OR56B1: variants seen among roughly 807,000 people sequenced by gnomAD.
OR56B1 encodes the protein olfactory receptor family 56 subfamily B member 1, also known as olfactory receptor 56B1.
Under a neutral mutation model 11.4 loss-of-function variants are expected in OR56B1, and 13 were observed. The observed-to-expected ratio is 1.14, with a 90% CI of 0.74 to 1.81. The LOEUF (loss-of-function observed/expected upper bound fraction) is 1.81. Among genes scored for constraint, OR56B1 ranks in the 40% most tolerant of loss-of-function variants. The pLI is 0.00. For missense variants in OR56B1, 434 were observed against 379.3 expected, an observed-to-expected ratio of 1.14 and a Z score of -1.20; for synonymous variants, 158 against 143.6, an observed-to-expected ratio of 1.10 and a Z score of -0.72.
In OR56B1 at chr11:5,737,521, A is replaced by G; in HGVS notation, c.*30A>G. On this transcript the variant is annotated 3_prime_UTR_variant, in exon 1 of 1. Transcript: ENST00000317121. ...CTTCTCCATGATGTACATGAACCTC[A>G]GCTTCTCCTAAACTGGATAGTAAAA... 6.4e-7 allele frequency: 1 copy of G among 1,572,968 alleles called. No individual in the cohort carries two copies. The highest frequency in any genetic ancestry group is 8.6e-7 in the Non-Finnish European group (1 of 1,160,004).
Position 5,737,446 on chromosome 11 carries a change from C to T in OR56B1, c.930C>T (p.Ala310=). Residue 310 remains alanine, a synonymous_variant, in exon 1 of 1, where the codon GCC becomes GCT. Transcript: ENST00000317121. ...YALQTKELRA[A]FQKVLFALTK... The stretch of plus-strand genomic sequence containing the variant: ...TTCAGACCAAAGAACTTAGGGCAGC[C>T]TTCCAAAAGGTGCTGTTTGCCCTTA... 2 of 1,613,854 alleles carry T rather than the reference C, an allele frequency of 1.2e-6. No individual in the cohort carries two copies. The highest frequency in any genetic ancestry group is 1.7e-6 in the Non-Finnish European group (2 of 1,179,802).
chr11:5,736,684 C>G lies in OR56B1; in HGVS notation c.168C>G (p.Ile56Met). The change falls in exon 1 of 1, where the codon ATC (isoleucine) becomes ATG (methionine). Residue 56 changes from isoleucine to methionine, a missense_variant. Physicochemically the swap from Ile to Met is conservative, Grantham distance 10. Transcript: ENST00000317121. ...SALAANTLIL[I>M]IIWQNPSLQQ... is the part of the protein sequence containing the mutation. ...TTGCTGCAAACACCCTCATCCTCAT[C>G]ATCATCTGGCAGAACCCTTCTTTAC... The G allele has an allele frequency of 6.2e-7, 1 of 1,614,026 alleles. No individual in the cohort carries two copies. Among genetic ancestry groups the G allele is most frequent in the African/African-American group, 1.3e-5 (1 of 75,038 alleles).
rs1028896075 is a variant in OR56B1, at chr11:5,737,405, C to T, written c.889C>T (p.Pro297Ser). 4 of 1,614,062 alleles carry T rather than the reference C, an allele frequency of 2.5e-6. No homozygotes were observed. Among genetic ancestry groups the T allele is most frequent in the Non-Finnish European group, 3.4e-6 (4 of 1,179,940 alleles). Residue 297 changes from proline to serine, a missense_variant, in exon 1 of 1, where the codon CCT (proline) becomes TCT (serine). Transcript: ENST00000317121. ...LHNIIPPSLNPTVYALQTKEL... is the reference protein window; with the variant it reads ...LHNIIPPSLNSTVYALQTKEL... Reference sequence around the variant, plus strand: ...CAACATCATCCCCCCTTCCCTCAACCCTACAGTTTATGCACTTCAGACCAA... The same window carrying T: ...CAACATCATCCCCCCTTCCCTCAACTCTACAGTTTATGCACTTCAGACCAA...
chr11:5,737,044 T>C lies in OR56B1; in HGVS notation c.528T>C (p.Asp176=), dbSNP rs747871719. The C allele has an allele frequency of 1.9e-6, 3 of 1,614,104 alleles. No individual in the cohort carries two copies. In the South Asian group the frequency reaches 3.3e-5, roughly 18 times the overall value. ...TGCCTGTGCTTGCAGCACAGCGTGA[T>C]TATTGCTCCAAGAATGAAATTGAAC... ...TPVPVLAAQR[D]YCSKNEIEHC... The change falls in exon 1 of 1, where the codon GAT becomes GAC. Residue 176 remains aspartate (D), a synonymous_variant. Coordinates refer to ENST00000317121, the MANE Select transcript of OR56B1 (RefSeq NM_001005180.3).
In OR56B1 at chr11:5,737,563, T is replaced by G. The variant is rs978468218; in HGVS notation, c.*72T>G. ...ATAGTAAAATTTCAAAGAGGATAAATGAGTAAGTGAATACCTTTGGGATTC... is the reference window on the plus strand; with the variant it reads ...ATAGTAAAATTTCAAAGAGGATAAAGGAGTAAGTGAATACCTTTGGGATTC... On this transcript the variant is annotated 3_prime_UTR_variant, in exon 1 of 1. Transcript: ENST00000317121. 2.9e-6 allele frequency: 4 copies of G among 1,372,844 alleles called. No homozygotes were observed. In the African/African-American group the frequency reaches 5.8e-5, roughly 20 times the overall value. The allele number at this position is 1,372,844 out of a possible 1,614,324, so 85.0% of individuals were successfully genotyped here.
Position 5,737,035 on chromosome 11 carries a change from A to G in OR56B1, c.519A>G (p.Ala173=). Residue 173 remains alanine (A), a synonymous_variant, in exon 1 of 1, where the codon GCA becomes GCG. Transcript: ENST00000317121. ...TCACTCCAGTGCCTGTGCTTGCAGC[A>G]CAGCGTGATTATTGCTCCAAGAATG... is the stretch of plus-strand genomic sequence containing the variant. The part of the protein sequence containing the change: ...LFVTPVPVLA[A]QRDYCSKNEI... 1 of 1,614,156 alleles carries G rather than the reference A, an allele frequency of 6.2e-7. No individual in the cohort carries two copies. Among genetic ancestry groups the G allele is most frequent in the Non-Finnish European group, 8.5e-7 (1 of 1,180,020 alleles).
At position 5,737,418 on chromosome 11, in the gene OR56B1, C is replaced by G; in HGVS notation, c.902C>G (p.Ala301Gly). Residue 301 changes from alanine (A) to glycine (G), a missense_variant, in exon 1 of 1, where the codon GCA becomes GGA. Coordinates refer to ENST00000317121, the MANE Select transcript of OR56B1 (RefSeq NM_001005180.3). ...IPPSLNPTVYALQTKELRAAF... is the reference protein window; with the variant it reads ...IPPSLNPTVYGLQTKELRAAF... Reference sequence around the variant, plus strand: ...CCTTCCCTCAACCCTACAGTTTATGCACTTCAGACCAAAGAACTTAGGGCA... The same window carrying G: ...CCTTCCCTCAACCCTACAGTTTATGGACTTCAGACCAAAGAACTTAGGGCA... 6.2e-7 allele frequency: 1 copy of G among 1,614,000 alleles called. No homozygotes were observed. The highest frequency in any genetic ancestry group is 1.3e-5 in the African/African-American group (1 of 75,032).
At position 5,737,243 on chromosome 11, in the gene OR56B1, G is replaced by T; in HGVS notation, c.727G>T (p.Ala243Ser). ...SVLRLNSAEA[A>S]AKALSTCSSH... ...ACTTAGACTGAACTCAGCTGAAGCT[G>T]CAGCCAAGGCCCTGAGCACTTGTAG... The change falls in exon 1 of 1, where the codon GCA becomes TCA. Residue 243 changes from alanine to serine, a missense_variant. Transcript: ENST00000317121. The T allele has an allele frequency of 6.2e-7, 1 of 1,614,068 alleles. No homozygotes were observed. Among genetic ancestry groups the T allele is most frequent in the Non-Finnish European group, 8.5e-7 (1 of 1,179,954 alleles).
Position 5,736,757 on chromosome 11 carries a change from G to GATTACCAGACCCA in OR56B1, c.241_242insATTACCAGACCCA (p.Gly81AspfsTer13), listed in dbSNP as rs1372586006. The stretch of plus-strand genomic sequence containing the variant: ...TGGCATCCTCTGTATGGTAGACATG[G>GATTACCAGACCCA]GTCTGGCCACTACTATCATCCCTAA... On this transcript the variant is annotated frameshift_variant, in exon 1 of 1. Transcript: ENST00000317121. LOFTEE classifies it high-confidence loss of function. 5.0e-6 allele frequency: 8 copies of GATTACCAGACCCA among 1,613,862 alleles called. No homozygotes were observed. The South Asian group carries it at 6.6e-5, about 13-fold the overall frequency.
At position 5,736,452 on chromosome 11, in the gene OR56B1, G is replaced by T. The variant is rs1853907106; in HGVS notation, c.-65G>T. ...AGAAAAATACTACAATTTTATTTCTGTGGTGGTTCCAACCTGTGATAACTG... is the reference window on the plus strand; with the variant it reads ...AGAAAAATACTACAATTTTATTTCTTTGGTGGTTCCAACCTGTGATAACTG... On this transcript the variant is annotated 5_prime_UTR_variant, in exon 1 of 1. Coordinates refer to ENST00000317121, the MANE Select transcript of OR56B1 (RefSeq NM_001005180.3). The T allele has an allele frequency of 2.2e-6, 3 of 1,373,074 alleles. No homozygotes were observed. Among genetic ancestry groups the T allele is most frequent in the African/African-American group, 2.9e-5 (2 of 69,848 alleles). The allele number at this position is 1,373,074 out of a possible 1,614,324, so 85.1% of individuals were successfully genotyped here.
rs1853942883 is a variant in OR56B1 at position 5,737,490 on chromosome 11, A to C, written c.974A>C (p.Ter325SerextTer5). 1 of 1,605,620 alleles carries C rather than the reference A, an allele frequency of 6.2e-7. No homozygotes were observed. Among genetic ancestry groups the C allele is most frequent in the African/African-American group, 1.3e-5 (1 of 74,590 alleles). Residue 325 changes from the stop codon to serine, a stop_lost, in exon 1 of 1, where the codon TAG (stop) becomes TCG (serine). Transcript: ENST00000317121. ...GCCCTTACAAAAGAAATAAGATCTTAGAGACCTTCTCCATGATGTACATGA... is the reference window on the plus strand; with the variant it reads ...GCCCTTACAAAAGAAATAAGATCTTCGAGACCTTCTCCATGATGTACATGA... The part of the protein sequence containing the change: ...LFALTKEIRS[*>S]
Position 5,737,025 on chromosome 11 carries a change from T to A in OR56B1, c.509T>A (p.Val170Glu), listed in dbSNP as rs756548716. ...RNGLFVTPVPVLAAQRDYCSK... is the reference protein window; with the variant it reads ...RNGLFVTPVPELAAQRDYCSK... ...GGCTTATTTGTCACTCCAGTGCCTG[T>A]GCTTGCAGCACAGCGTGATTATTGC... is the stretch of plus-strand genomic sequence containing the variant. The change falls in exon 1 of 1, where the codon GTG becomes GAG. Residue 170 changes from valine (V) to glutamate (E), a missense_variant. Physicochemically the swap from Val to Glu is moderately radical, Grantham distance 121. Coordinates refer to ENST00000317121, the MANE Select transcript of OR56B1 (RefSeq NM_001005180.3). 6.2e-7 allele frequency: 1 copy of A among 1,614,172 alleles called. No individual in the cohort carries two copies. The highest frequency in any genetic ancestry group is 2.2e-5 in the East Asian group (1 of 44,864).
chr11:5,737,605 T>A lies in OR56B1; in HGVS notation c.*114T>A, dbSNP rs550993032. On this transcript the variant is annotated 3_prime_UTR_variant, in exon 1 of 1. Transcript: ENST00000317121. The stretch of plus-strand genomic sequence containing the variant: ...TTGGGATTCCCTTTTTATATTTGTA[T>A]GTAAATAATTGTGAAAGCTTCAGAA... The A allele has an allele frequency of 1.1e-6, 1 of 910,140 alleles. No homozygotes were observed. Among genetic ancestry groups the A allele is most frequent in the East Asian group, 2.5e-5 (1 of 40,012 alleles). The allele number at this position is 910,140 out of a possible 1,614,324, so 56.4% of individuals were successfully genotyped here.
Position 5,737,225 on chromosome 11 carries a change from C to T in OR56B1, c.709C>T (p.Leu237=), listed in dbSNP as rs1204592289. 3.7e-6 allele frequency: 6 copies of T among 1,614,108 alleles called. No homozygotes were observed. The highest frequency in any genetic ancestry group is 3.3e-5 in the Admixed American group (2 of 60,002). ...YILILYSVLR[L]NSAEAAAKAL... ...TTTGATTCTGTACTCTGTACTTAGA[C>T]TGAACTCAGCTGAAGCTGCAGCCAA... is the stretch of plus-strand genomic sequence containing the variant. Residue 237 remains leucine, a synonymous_variant, in exon 1 of 1, where the codon CTG becomes TTG. Coordinates refer to ENST00000317121, the MANE Select transcript of OR56B1 (RefSeq NM_001005180.3).
rs1853917332 is a variant in OR56B1, at chr11:5,736,719, TGTA to T, written c.204_206del (p.Met68_Tyr69delinsIle). 8 of 1,613,852 alleles carry T rather than the reference TGTA, an allele frequency of 5.0e-6. No homozygotes were observed. In the South Asian group the frequency reaches 6.6e-5, roughly 13 times the overall value. On this transcript the variant is annotated inframe_deletion, in exon 1 of 1. Transcript: ENST00000317121. Reference sequence around the variant, plus strand: ...CAGAACCCTTCTTTACAGCAGCCCATGTATATTTTCCTTGGCATCCTCTGTATG... The same window carrying T: ...CAGAACCCTTCTTTACAGCAGCCCATTATTTTCCTTGGCATCCTCTGTATG...
chr11:5,737,148 T>C lies in OR56B1; in HGVS notation c.632T>C (p.Leu211Pro), dbSNP rs746464039. The C allele has an allele frequency of 3.1e-6, 5 of 1,614,038 alleles. No homozygotes were observed. In the South Asian group the frequency reaches 5.5e-5, roughly 18 times the overall value. Residue 211 changes from leucine (L) to proline (P), a missense_variant, in exon 1 of 1, where the codon CTG becomes CCG. Coordinates refer to ENST00000317121, the MANE Select transcript of OR56B1 (RefSeq NM_001005180.3). ...RRPNSICQLV[L>P]AWLGMGSDLS... is the part of the protein sequence containing the mutation. ...CCAAACAGCATTTGCCAGTTGGTTC[T>C]GGCATGGCTTGGAATGGGGAGTGAT...
Position 5,736,833 on chromosome 11 carries a change from G to C in OR56B1, c.317G>C (p.Cys106Ser). 6.2e-7 allele frequency: 1 copy of C among 1,613,930 alleles called. No individual in the cohort carries two copies. The highest frequency in any genetic ancestry group is 8.5e-7 in the Non-Finnish European group (1 of 1,179,972). The change falls in exon 1 of 1, where the codon TGC (cysteine) becomes TCC (serine). Residue 106 changes from cysteine (C) to serine (S), a missense_variant. Coordinates refer to ENST00000317121, the MANE Select transcript of OR56B1 (RefSeq NM_001005180.3). ...GCCAAGGTTATTAGCCTCCCTGAGT[G>C]CTTTGCTCAGATTTATGCCATTCAC... ...FDAKVISLPECFAQIYAIHFF... is the reference protein window; with the variant it reads ...FDAKVISLPESFAQIYAIHFF...
rs756786971 is a variant in OR56B1 at position 5,736,508 on chromosome 11, T to C, written c.-9T>C. Reference sequence around the variant, plus strand: ...AATACAAATAGAGATTTGAAATTCATGTTGAATCATGAATCATATGTCTGC... The same window carrying C: ...AATACAAATAGAGATTTGAAATTCACGTTGAATCATGAATCATATGTCTGC... On this transcript the variant is annotated 5_prime_UTR_variant, in exon 1 of 1. An upstream start codon of the reference 5' UTR is lost. Transcript: ENST00000317121. 1 of 1,612,154 alleles carries C rather than the reference T, an allele frequency of 6.2e-7. No individual in the cohort carries two copies. Among genetic ancestry groups the C allele is most frequent in the Non-Finnish European group, 8.5e-7 (1 of 1,178,294 alleles).
Position 5,736,696 on chromosome 11 carries a change from G to A in OR56B1, c.180G>A (p.Gln60=), listed in dbSNP as rs149110743. 452 of 1,613,926 alleles carry A rather than the reference G, an allele frequency of 2.8e-4. 1 individual carries two copies. In the African/African-American group the frequency reaches 5.7e-3, roughly 20 times the overall value. ...ANTLILIIIW[Q]NPSLQQPMYI... ...CCCTCATCCTCATCATCATCTGGCAGAACCCTTCTTTACAGCAGCCCATGT... is the reference window on the plus strand; with the variant it reads ...CCCTCATCCTCATCATCATCTGGCAAAACCCTTCTTTACAGCAGCCCATGT... Residue 60 remains glutamine (Q), a synonymous_variant, in exon 1 of 1, where the codon CAG becomes CAA. Transcript: ENST00000317121.
Sources: gnomAD v4.1 joint callset for allele counts on GRCh38, gnomAD v4.1.1 for gene constraint, MANE v1.5 for transcripts, NCBI Gene and HGNC (gene_info 2026-07-23, HGNC 2026-07-21) for gene names.